CDRT4: variants seen among roughly 807,000 people sequenced by gnomAD.
The protein encoded by CDRT4 is CMT1A duplicated region transcript 4.
For synonymous variants in CDRT4, 64 were observed against 69.6 expected (o/e 0.92, Z 0.40); for missense variants, 167 against 193.1 (o/e 0.87, Z 0.80).
At chr17:15,445,586 T>A (rs958502712) in intron 2 of CDRT4, among the ~76,000 whole-genome samples, 2 of 152,188 alleles carry the variant, frequency 1.3e-5, no homozygotes, top group African/African-American at 2.4e-5. Flanking sequence ...CTCCTGCCCT[T>A]GTTTTGGAAT....
rs527356366 is a variant in CDRT4, at chr17:15,455,613, A to T, written c.-129-2528T>A. 4.4e-4 allele frequency among the ~76,000 whole-genome samples: 67 copies of T among 151,946 alleles called. No individual in the cohort carries two copies. In the South Asian group the frequency reaches 0.014, roughly 32 times the overall value. The stretch of plus-strand genomic sequence containing the variant: ...GCTTCCATCTTGAGCACTCTCTTAC[A>T]CTCTCTTTCTCGTTCATCTTAAGGG... On this transcript the variant is annotated intron_variant, in intron 1 of 3. Coordinates refer to ENST00000619038, the MANE Select transcript of CDRT4 (RefSeq NM_001204477.2).
chr17:15,452,878 C>T (rs1979325606), intron 2 of CDRT4, 126 bp downstream of exon 2: 1 of 152,186 alleles, frequency 6.6e-6, no homozygotes, highest in African/African-American at 2.4e-5. Context: ...TTCTCTTTCT[C>T]TCTCTCCCTC....
In CDRT4 at chr17:15,437,925, C is replaced by T; in HGVS notation, c.307G>A (p.Gly103Ser). Residue 103 changes from glycine to serine, a missense_variant, in exon 4 of 4, where the codon GGC (glycine) becomes AGC (serine). Transcript: ENST00000619038. Reference sequence around the variant, plus strand: ...GCCATGGCCAATACCGAATAAGCGCCCCACATTGATAACGTGGATTCTGAC... The same window carrying T: ...GCCATGGCCAATACCGAATAAGCGCTCCACATTGATAACGTGGATTCTGAC... ...TLSESTLSMW[G>S]AYSVLAMAPT... The T allele has an allele frequency of 6.2e-7, 1 of 1,614,174 alleles. No individual in the cohort carries two copies. The highest frequency in any genetic ancestry group is 8.5e-7 in the Non-Finnish European group (1 of 1,180,030).
At chr17:15,454,180 G>A (rs537548266) in intron 1 of CDRT4, among the ~76,000 whole-genome samples, 3 of 152,180 alleles carry the variant, frequency 2.0e-5, no homozygotes, top group African/African-American at 7.2e-5. Context: ...CCACAGTGCT[G>A]TCCCTACATC....
chr17:15,451,875 A>T (rs1374815610), intron 2 of CDRT4, among the ~76,000 whole-genome samples: 1 of 152,164 alleles, frequency 6.6e-6, no homozygotes, highest in Non-Finnish European at 1.5e-5. Context: ...CTCTTAACCA[A>T]CTAGACTATA....
At chr17:15,453,541 T>G (rs1322924887) in intron 1 of CDRT4, among the ~76,000 whole-genome samples, 4 of 152,122 alleles carry the variant, frequency 2.6e-5, no homozygotes, top group Non-Finnish European at 1.5e-5. Flanking sequence ...TGTGGCATCC[T>G]CTCCCCAACA....
intron 1 of CDRT4, 144 bp downstream of exon 1, chr17:15,467,316 T>A (rs1156280625): frequency 2.0e-5 from 3 of 152,206 alleles, no homozygotes; most frequent in East Asian, 1.9e-4. Context: ...GAAGTAATGC[T>A]GGGGACTCTG....
chr17:15,451,630 A>G (rs1354065351), intron 2 of CDRT4, among the ~76,000 whole-genome samples: 1 of 152,102 alleles, frequency 6.6e-6, no homozygotes, highest in Non-Finnish European at 1.5e-5. Flanking sequence ...AAAAACATCA[A>G]GCTTGTTCCC....
chr17:15,454,061 C>A (rs948860055), intron 1 of CDRT4, among the ~76,000 whole-genome samples: 1 of 152,104 alleles, frequency 6.6e-6, no homozygotes, highest in East Asian at 1.9e-4. Flanking sequence ...GAAATTAGTA[C>A]CAAGACACAT....
rs973996893 is a variant in CDRT4, at chr17:15,437,625, T to C, written c.*148A>G. ...ACAGCTTGCATTCTGATCTGGTTTC[T>C]CTTAGCCAAGCTCCGCATGAGCAAG... On this transcript the variant is annotated 3_prime_UTR_variant, in exon 4 of 4. Transcript: ENST00000619038. 1 of 817,392 alleles carries C rather than the reference T, an allele frequency of 1.2e-6. No homozygotes were observed. Among genetic ancestry groups the C allele is most frequent in the African/African-American group, 1.7e-5 (1 of 57,986 alleles). 50.6% of individuals were successfully genotyped at this position (817,392 alleles called of 1,614,324 possible). A position where few individuals can be genotyped will look rare whatever the true frequency, so the allele number is the denominator to read the frequency against.
chr17:15,439,296 G>A, intron 3 of CDRT4: 1 of 417,740 alleles, frequency 2.4e-6, no homozygotes, highest in Admixed American at 2.8e-5. Context: ...GCCGTAAATG[G>A]GGATAATCAA....
chr17:15,444,714 C>CAGAGAGAGAG (rs59581257), intron 2 of CDRT4, among the ~76,000 whole-genome samples: 5,211 of 135,700 alleles, frequency 0.038, 407 homozygotes, highest in East Asian at 0.29. Context: ...TAGCCAAGCG[C>CAGAGAGAGAG]AGAGAGAGAG....
At position 15,436,214 on chromosome 17, in the gene CDRT4, G is replaced by C. The variant is rs1006035629; in HGVS notation, c.*1559C>G. 6.6e-6 allele frequency: 1 copy of C among 152,220 alleles called. No homozygotes were observed. The highest frequency in any genetic ancestry group is 1.5e-5 in the Non-Finnish European group (1 of 68,046). 9.4% of individuals were successfully genotyped at this position (152,220 alleles called of 1,614,324 possible). On this transcript the variant is annotated 3_prime_UTR_variant, in exon 4 of 4. Coordinates refer to ENST00000619038, the MANE Select transcript of CDRT4 (RefSeq NM_001204477.2). ...CCAACATAAAAGCACAAGAGCCAGA[G>C]GTGAGTTCTCCAAAGCTGCACCTGT...
At chr17:15,455,804 C>A (rs567838465) in intron 1 of CDRT4, among the ~76,000 whole-genome samples, 4 of 152,308 alleles carry the variant, frequency 2.6e-5, no homozygotes, top group Admixed American at 6.5e-5. Context: ...GAAGTGGATT[C>A]TCCTCCTGTT....
chr17:15,436,583 G>T lies in CDRT4; in HGVS notation c.*1190C>A, dbSNP rs1024427340. The T allele has an allele frequency of 2.6e-5, 4 of 152,240 alleles. No individual in the cohort carries two copies. The highest frequency in any genetic ancestry group is 2.0e-4 in the Admixed American group (3 of 15,282). The allele number at this position is 152,240 out of a possible 1,614,324, so 9.4% of individuals were successfully genotyped here. ...GAGCAAGGGTGAACCAATCCTAGCT[G>T]TCCTCTGACAAATAACAGCTGGAGT... On this transcript the variant is annotated 3_prime_UTR_variant, in exon 4 of 4. Transcript: ENST00000619038.
intron 1 of CDRT4, among the ~76,000 whole-genome samples, chr17:15,462,887 GACTGTT>G (rs1340369790): frequency 6.6e-6 from 1 of 152,172 alleles, no homozygotes; most frequent in Non-Finnish European, 1.5e-5. Flanking sequence ...TGTCATGGGT[GACTGTT>G]ACTGAGTGTT....
chr17:15,459,163 T>G (rs1979623971), intron 1 of CDRT4, among the ~76,000 whole-genome samples: 1 of 152,188 alleles, frequency 6.6e-6, no homozygotes, highest in Non-Finnish European at 1.5e-5. Context: ...TTTTTCTACC[T>G]CAGTTTGGCC....
intron 1 of CDRT4, among the ~76,000 whole-genome samples, chr17:15,463,955 G>A (rs774445730): frequency 2.0e-5 from 3 of 152,090 alleles, no homozygotes; most frequent in Admixed American, 6.6e-5. Context: ...CAAGTCAGGC[G>A]GGCAGAGGAG....
rs1426849195 is a variant in CDRT4, at chr17:15,438,046, G to A, written c.186C>T (p.Pro62=). The change falls in exon 4 of 4, where the codon CCC becomes CCT. Residue 62 remains proline (P), a synonymous_variant. Coordinates refer to ENST00000619038, the MANE Select transcript of CDRT4 (RefSeq NM_001204477.2). ...AAGGTTTATTCTGCCTTGATGCCCA[G>A]GGTCTTTCCTCGAGGGCACGCATGC... ...LECMRALEER[P]WASRQNKPSS... 1.9e-6 allele frequency: 3 copies of A among 1,614,154 alleles called. No homozygotes were observed.
Sources: allele counts gnomAD v4.1 joint callset (sites outside exome capture counted in the v4.1 genomes callset), GRCh38; gene constraint gnomAD v4.1.1; transcripts MANE v1.5; gene names NCBI Gene and HGNC (gene_info 2026-07-23, HGNC 2026-07-21).